The following THSD7B variants were observed in gnomAD, a reference collection of about 807,000 sequenced individuals.
THSD7B encodes thrombospondin type 1 domain containing 7B, also known as thrombospondin type-1 domain-containing protein 7B.
THSD7B carries 138 observed loss-of-function variants against 213.6 expected under a neutral mutation model. That is an observed-to-expected ratio of 0.65 (90% CI 0.56 to 0.74). THSD7B has a LOEUF of 0.74. THSD7B is among the 30% of genes least tolerant of loss of function. The pLI, the probability that THSD7B is intolerant of heterozygous loss-of-function variation, is 0.00. For synonymous variants in THSD7B, 742 were observed against 687.0 expected, an observed-to-expected ratio of 1.08 and a Z score of -1.25; for missense variants, 1,931 against 1,991.5, an observed-to-expected ratio of 0.97 and a Z score of 0.58.
intron 21 of THSD7B, among the ~76,000 whole-genome samples, chr2:137,645,374 A>T (rs1683011605): frequency 6.6e-6 from 1 of 152,204 alleles, no homozygotes; most frequent in East Asian, 1.9e-4. Flanking sequence ...TTAACGAGAA[A>T]ACCTGTGCCA....
At chr2:137,667,727 C>T in intron 26 of THSD7B, 47 bp from the exon 27 acceptor site, 1 of 1,488,444 alleles carries the variant, frequency 6.7e-7, no homozygotes, top group Non-Finnish European at 9.2e-7. Context: ...TCAAATGCTG[C>T]AGACTTCTGT....
chr2:137,268,815 G>T (rs976695046), intron 10 of THSD7B, among the ~76,000 whole-genome samples: 1 of 152,088 alleles, frequency 6.6e-6, no homozygotes, highest in Non-Finnish European at 1.5e-5. Context: ...GAGTTGCTCT[G>T]GTTCAAACAC....
intron 2 of THSD7B, among the ~76,000 whole-genome samples, chr2:136,925,303 T>A (rs1373275605): frequency 6.6e-6 from 1 of 152,206 alleles, no homozygotes; most frequent in Non-Finnish European, 1.5e-5. Flanking sequence ...GTTATAGGCA[T>A]GGACTTTTTA....
intron 2 of THSD7B, among the ~76,000 whole-genome samples, chr2:137,018,044 C>A (rs566022829): frequency 6.7e-6 from 1 of 150,240 alleles, no homozygotes; most frequent in Non-Finnish European, 1.5e-5. Context: ...GTGAAAAACT[C>A]TGATCATTTT....
chr2:137,020,300 A>C (rs1457308502), intron 2 of THSD7B, among the ~76,000 whole-genome samples: 1 of 152,172 alleles, frequency 6.6e-6, no homozygotes, highest in Non-Finnish European at 1.5e-5. Context: ...TGAATGGAGC[A>C]CGGTGGCACA....
chr2:136,859,178 A>T (rs1159855533), intron 1 of THSD7B, among the ~76,000 whole-genome samples: 1 of 152,234 alleles, frequency 6.6e-6, no homozygotes, highest in Non-Finnish European at 1.5e-5. Context: ...ACCAGGAGTC[A>T]TAAGTCTTCA....
At chr2:137,466,659 T>C (rs1192897403) in intron 15 of THSD7B, among the ~76,000 whole-genome samples, 1 of 152,098 alleles carries the variant, frequency 6.6e-6, no homozygotes, top group African/African-American at 2.4e-5. Context: ...CAAATATACA[T>C]GAAACCAGTT....
At chr2:137,544,406 G>A (rs1222249773) in intron 15 of THSD7B, among the ~76,000 whole-genome samples, 1 of 151,786 alleles carries the variant, frequency 6.6e-6, no homozygotes, top group African/African-American at 2.4e-5. Flanking sequence ...ATTCATAGAA[G>A]CAGAAAGTAA....
chr2:137,019,146 A>G (rs538693369), intron 2 of THSD7B, among the ~76,000 whole-genome samples: 1 of 152,194 alleles, frequency 6.6e-6, no homozygotes, highest in Admixed American at 6.5e-5. Context: ...GGGCACCTTC[A>G]TGTGACATCT....
At chr2:136,850,895 A>G (rs1683088415) in intron 1 of THSD7B, among the ~76,000 whole-genome samples, 1 of 152,036 alleles carries the variant, frequency 6.6e-6, no homozygotes, top group African/African-American at 2.4e-5. Flanking sequence ...GTCTTAAACT[A>G]TCATTATTTT....
At chr2:137,613,293 TA>T (rs1269924860) in intron 17 of THSD7B, among the ~76,000 whole-genome samples, 22 of 152,182 alleles carry the variant, frequency 1.4e-4, no homozygotes, top group Admixed American at 1.4e-3. Context: ...GAATTTCCTG[TA>T]AATTGGAAGT....
intron 2 of THSD7B, among the ~76,000 whole-genome samples, chr2:136,906,981 G>C (rs924611797): frequency 1.3e-5 from 1 of 78,738 alleles, no homozygotes; most frequent in Non-Finnish European, 2.2e-5. Flanking sequence ...GTCTGACTTT[G>C]TCACCCAAGC....
chr2:137,086,651 GCCATTGTTCACTCTACGACAATGGT>G (rs1230844795), intron 3 of THSD7B, among the ~76,000 whole-genome samples: 2 of 152,136 alleles, frequency 1.3e-5, no homozygotes, highest in African/African-American at 4.8e-5. Context: ...TTTTTGGAGG[GCCATTGTTCACTCTACGACAATGGT>G]CAAACAGTAT....
At chr2:137,049,613 G>T (rs1386573660) in intron 2 of THSD7B, among the ~76,000 whole-genome samples, 4 of 152,060 alleles carry the variant, frequency 2.6e-5, no homozygotes, top group African/African-American at 9.7e-5. Context: ...CTGTCTGAGG[G>T]TTCATTCCTG....
At chr2:137,259,771 C>T (rs1682397956) in intron 10 of THSD7B, among the ~76,000 whole-genome samples, 1 of 152,094 alleles carries the variant, frequency 6.6e-6, no homozygotes, top group Non-Finnish European at 1.5e-5. Flanking sequence ...ATGAAAAGTC[C>T]TTGAGGTCAG....
At chr2:137,087,798 C>T (rs1687867601) in intron 3 of THSD7B, among the ~76,000 whole-genome samples, 1 of 152,072 alleles carries the variant, frequency 6.6e-6, no homozygotes. Context: ...TTAGAAAAAA[C>T]AATTCTAAAA....
chr2:137,662,048 G>A (rs1352628802), intron 25 of THSD7B, among the ~76,000 whole-genome samples: 2 of 149,728 alleles, frequency 1.3e-5, no homozygotes, highest in Non-Finnish European at 3.0e-5. Flanking sequence ...CCAGCTTCAG[G>A]TGTTTTCTTT....
chr2:136,977,422 T>C (rs1276112387), intron 2 of THSD7B, among the ~76,000 whole-genome samples: 1 of 139,426 alleles, frequency 7.2e-6, no homozygotes, highest in Non-Finnish European at 1.6e-5. Flanking sequence ...TCTGGGTTTG[T>C]TGATTTTTTT....
At chr2:137,589,743 G>A (rs1188739056) in intron 17 of THSD7B, among the ~76,000 whole-genome samples, 3 of 152,186 alleles carry the variant, frequency 2.0e-5, no homozygotes, top group African/African-American at 7.2e-5. Flanking sequence ...ATGCAAGCGT[G>A]TAGAATACTT....
Sources: allele counts gnomAD v4.1 joint callset (sites outside exome capture counted in the v4.1 genomes callset), GRCh38; gene constraint gnomAD v4.1.1; transcripts MANE v1.5; gene names NCBI Gene and HGNC (gene_info 2026-07-23, HGNC 2026-07-21).